RBFOX1: variants seen among roughly 807,000 people sequenced by gnomAD.
RBFOX1 encodes RNA binding fox-1 homolog 1, also known as RNA binding protein fox-1 homolog 1.
In RBFOX1, 8 loss-of-function variants were observed where a neutral mutation model predicts 57.7. That is an observed-to-expected ratio of 0.14 (90% CI 0.08 to 0.25). RBFOX1 has a LOEUF of 0.25. Ranked by LOEUF, RBFOX1 falls within the 10% of genes least tolerant of loss-of-function variation. The pLI is 1.00. For synonymous variants in RBFOX1, 326 were observed against 222.4 expected, an observed-to-expected ratio of 1.47 and a Z score of -4.15; for missense variants, 611 against 548.5, an observed-to-expected ratio of 1.11 and a Z score of -1.14.
At chr16:7,050,911 A>G (rs866894839) in intron 3 of RBFOX1, among the ~76,000 whole-genome samples, 62 of 152,282 alleles carry the variant, frequency 4.1e-4, no homozygotes, top group Non-Finnish European at 6.2e-4. Flanking sequence ...AGGGCATAGA[A>G]AAGCACTGAT....
intron 4 of RBFOX1, among the ~76,000 whole-genome samples, chr16:5,964,782 T>TAC (rs1209053618): frequency 1.3e-5 from 2 of 151,810 alleles, no homozygotes; most frequent in African/African-American, 4.8e-5. Context: ...TACACACATA[T>TAC]ACACACACAC....
At chr16:7,214,583 C>T (rs1470038224) in intron 4 of RBFOX1, among the ~76,000 whole-genome samples, 1 of 152,050 alleles carries the variant, frequency 6.6e-6, no homozygotes, top group Non-Finnish European at 1.5e-5. Context: ...GCTCCTACCT[C>T]ATCGTCTGCA....
chr16:5,688,847 C>T (rs951367410), intron 3 of RBFOX1, among the ~76,000 whole-genome samples: 9 of 152,144 alleles, frequency 5.9e-5, no homozygotes. Flanking sequence ...AGAGACTCAA[C>T]GTTTGCCAGG....
At chr16:5,810,551 A>G (rs573634918) in intron 3 of RBFOX1, among the ~76,000 whole-genome samples, 2 of 152,294 alleles carry the variant, frequency 1.3e-5, no homozygotes, top group East Asian at 1.9e-4. Flanking sequence ...CTTCTATCCC[A>G]TGGTGCTGGG....
At chr16:6,718,354 G>C (rs993383059) in intron 3 of RBFOX1, among the ~76,000 whole-genome samples, 1 of 152,182 alleles carries the variant, frequency 6.6e-6, no homozygotes, top group East Asian at 1.9e-4. Flanking sequence ...TTTAGTGGGA[G>C]AGATAGATGA....
intron 1 of RBFOX1, among the ~76,000 whole-genome samples, chr16:5,465,413 A>G (rs1227819877): frequency 6.6e-6 from 1 of 152,190 alleles, no homozygotes; most frequent in Non-Finnish European, 1.5e-5. Context: ...AATTACGTTC[A>G]GAAGTCCTAG....
chr16:6,609,558 G>T (rs1332815920), intron 2 of RBFOX1, among the ~76,000 whole-genome samples: 1 of 151,742 alleles, frequency 6.6e-6, no homozygotes, highest in Non-Finnish European at 1.5e-5. Flanking sequence ...TGCCCAGGCT[G>T]GTATGATTTT....
intron 3 of RBFOX1, among the ~76,000 whole-genome samples, chr16:6,755,500 C>A (rs1196296995): frequency 6.6e-6 from 1 of 152,074 alleles, no homozygotes; most frequent in African/African-American, 2.4e-5. Context: ...ATAAATGTCT[C>A]CTGTTTTAAT....
At chr16:5,407,573 T>G (rs1252277896) in intron 1 of RBFOX1, among the ~76,000 whole-genome samples, 1 of 152,070 alleles carries the variant, frequency 6.6e-6, no homozygotes, top group Non-Finnish European at 1.5e-5. Context: ...TTTTGTTTTT[T>G]TGTCTCACTC....
chr16:7,277,886 A>C (rs1246432774), intron 4 of RBFOX1, among the ~76,000 whole-genome samples: 6 of 152,096 alleles, frequency 3.9e-5, no homozygotes. Context: ...TTCTTATTAC[A>C]GAAGAAGATG....
At chr16:7,133,653 A>G (rs1165866771) in intron 4 of RBFOX1, among the ~76,000 whole-genome samples, 1 of 152,180 alleles carries the variant, frequency 6.6e-6, no homozygotes, top group South Asian at 2.1e-4. Flanking sequence ...GCTTTTCTGT[A>G]TTGGTAGAAA....
At position 6,860,024 on chromosome 16, in the gene RBFOX1, C is replaced by G. The variant is rs550093161; in HGVS notation, c.-15-192033C>G. Among the ~76,000 whole-genome samples, 10 of 152,246 alleles carry G rather than the reference C, an allele frequency of 6.6e-5. No individual in the cohort carries two copies. The South Asian group carries it at 1.0e-3, about 16-fold the overall frequency. Reference sequence around the variant, plus strand: ...CTGTAAAGTGTAGGAGTTAACACCACAAGGGTACCTGATGGAACGAGCTAT... The same window carrying G: ...CTGTAAAGTGTAGGAGTTAACACCAGAAGGGTACCTGATGGAACGAGCTAT... On this transcript the variant is annotated intron_variant, in intron 3 of 15. Transcript: ENST00000550418.
chr16:7,447,172 G>T (rs2098815326), intron 4 of RBFOX1, among the ~76,000 whole-genome samples: 1 of 151,824 alleles, frequency 6.6e-6, no homozygotes, highest in Admixed American at 6.6e-5. Context: ...CCCTCCGTAA[G>T]AAAAACATTC....
intron 1 of RBFOX1, among the ~76,000 whole-genome samples, chr16:6,054,511 C>T (rs1596750761): frequency 1.3e-5 from 2 of 152,064 alleles, no homozygotes; most frequent in South Asian, 4.1e-4. Flanking sequence ...TATATCAGGT[C>T]AAATTAAGTC....
intron 3 of RBFOX1, among the ~76,000 whole-genome samples, chr16:6,676,673 C>CTTT (rs756578276): frequency 2.3e-4 from 24 of 103,564 alleles, no homozygotes; most frequent in African/African-American, 3.9e-4. Context: ...TTTTTCTTTT[C>CTTT]TTTTTTTTTT....
In RBFOX1 at chr16:6,431,888, GCTTGCTTGCTTT is replaced by G. The variant is rs1246013642; in HGVS notation, c.-64+114835_-64+114846del. 7.0e-4 allele frequency among the ~76,000 whole-genome samples: 77 copies of G among 109,926 alleles called. 1 individual carries two copies. The highest frequency in any genetic ancestry group is 1.5e-3 in the African/African-American group (40 of 27,138). 72.1% of individuals were successfully genotyped at this position (109,926 alleles called of 152,430 possible). On this transcript the variant is annotated intron_variant, in intron 2 of 15. Coordinates refer to ENST00000550418, the MANE Select transcript of RBFOX1 (RefSeq NM_018723.4). ...TATGAACATGTCCAGAAATATGCTT[GCTTGCTTGCTTT>G]CTTTCTTTCTTTCTTTCTTTCTTTC...
chr16:7,415,747 C>T (rs4786166), intron 4 of RBFOX1, among the ~76,000 whole-genome samples: 28,285 of 152,008 alleles, frequency 0.19, 6,973 homozygotes, highest in African/African-American at 0.55. Flanking sequence ...GCAATGGTTA[C>T]GTTAATTTTC....
chr16:6,816,638 G>A (rs1047559641), intron 3 of RBFOX1, among the ~76,000 whole-genome samples: 4 of 151,370 alleles, frequency 2.6e-5, no homozygotes, highest in Admixed American at 6.6e-5. Context: ...TGCTTGGGAG[G>A]CTGAGGCAGG....
intron 2 of RBFOX1, among the ~76,000 whole-genome samples, chr16:5,508,711 C>T (rs1001151459): frequency 6.6e-5 from 10 of 152,154 alleles, no homozygotes; most frequent in Non-Finnish European, 1.3e-4. Context: ...GAGTGCCATA[C>T]CCAAGGTGGG....
Sources: gnomAD v4.1 joint callset for allele counts (sites outside exome capture counted in the v4.1 genomes callset) on GRCh38, gnomAD v4.1.1 for gene constraint, MANE v1.5 for transcripts, NCBI Gene and HGNC (gene_info 2026-07-23, HGNC 2026-07-21) for gene names.